The following TDRD12 variants were observed in gnomAD, a reference collection of about 807,000 sequenced individuals.
The protein encoded by TDRD12 is putative ATP-dependent RNA helicase TDRD12.
A neutral mutation model predicts 133.5 loss-of-function variants in TDRD12; 158 were observed. That is an observed-to-expected ratio of 1.18 (90% confidence interval 1.04 to 1.35). The LOEUF is 1.35. Ranked by LOEUF, TDRD12 falls within the 40% of genes most tolerant of loss-of-function variation. The pLI, the probability that TDRD12 is intolerant of heterozygous loss-of-function variation, is 0.00. For synonymous variants in TDRD12, 460 were observed against 477.9 expected (o/e 0.96, Z 0.49); for missense variants, 1,443 against 1,321.3 (o/e 1.09, Z -1.43).
At position 32,721,963 on chromosome 19, in the gene TDRD12, G is replaced by A. The variant is rs1188066018; in HGVS notation, c.24+1867G>A. 2.0e-5 allele frequency among the ~76,000 whole-genome samples: 3 copies of A among 150,478 alleles called. No homozygotes were observed. The South Asian group carries it at 6.3e-4, about 32-fold the overall frequency. ...CATTTCCTGACCTCGTGATCCACCCGCCTCGGCTTCCCAAAGTGCTGGGAT... is the reference window on the plus strand; with the variant it reads ...CATTTCCTGACCTCGTGATCCACCCACCTCGGCTTCCCAAAGTGCTGGGAT... On this transcript the variant is annotated intron_variant, in intron 1 of 27. Transcript: ENST00000444215.
At chr19:32,744,313 C>T (rs1244119728) in intron 4 of TDRD12, among the ~76,000 whole-genome samples, 2 of 151,610 alleles carry the variant, frequency 1.3e-5, no homozygotes, top group Non-Finnish European at 2.9e-5. Context: ...CCAGCCTGGC[C>T]AACATGGTGA....
intron 1 of TDRD12, among the ~76,000 whole-genome samples, chr19:32,723,144 C>G (rs1363923604): frequency 6.6e-6 from 1 of 152,162 alleles, no homozygotes; most frequent in Non-Finnish European, 1.5e-5. Context: ...TATCCGTCCT[C>G]CTTTGTGTCT....
chr19:32,789,734 C>G (rs993185595), intron 11 of TDRD12, among the ~76,000 whole-genome samples: 5 of 152,222 alleles, frequency 3.3e-5, no homozygotes, highest in African/African-American at 1.2e-4. Flanking sequence ...GGCGCAGTGG[C>G]TCACGCCTAT....
At chr19:32,773,229 G>A (rs971490803) in intron 9 of TDRD12, among the ~76,000 whole-genome samples, 2 of 152,142 alleles carry the variant, frequency 1.3e-5, no homozygotes, top group African/African-American at 2.4e-5. Flanking sequence ...AAGTACTGAC[G>A]ATCTGGAATG....
chr19:32,804,388 T>C (rs1441699390), intron 21 of TDRD12, among the ~76,000 whole-genome samples: 1 of 150,580 alleles, frequency 6.6e-6, no homozygotes, highest in African/African-American at 2.4e-5. Flanking sequence ...CTTTGTGTGC[T>C]TATAGGAAAT....
chr19:32,749,825 G>A (rs1568457933), exon 6 of TDRD12: 1 of 1,550,666 alleles, frequency 6.4e-7, no homozygotes, highest in East Asian at 2.4e-5. Context: ...TGTGGAAGAA[G>A]ATACATTTGA....
At chr19:32,731,756 T>G in exon 2 of TDRD12, 1 of 1,546,394 alleles carries the variant, frequency 6.5e-7, no homozygotes, top group South Asian at 1.2e-5. Context: ...TGGGTTATTA[T>G]AAAAGGGTGT....
chr19:32,812,373 G>A (rs1443186211), intron 24 of TDRD12, among the ~76,000 whole-genome samples: 1 of 152,224 alleles, frequency 6.6e-6, no homozygotes, highest in Admixed American at 6.5e-5. Context: ...GTTATATTTT[G>A]CATAATTCGA....
At chr19:32,794,280 T>A (rs1436818792) in intron 13 of TDRD12, among the ~76,000 whole-genome samples, 1 of 151,638 alleles carries the variant, frequency 6.6e-6, no homozygotes, top group African/African-American at 2.4e-5. Flanking sequence ...TAATTTTGTA[T>A]TTTTGGTAGA....
At chr19:32,734,941 G>A (rs767573274) in intron 2 of TDRD12, among the ~76,000 whole-genome samples, 1 of 152,118 alleles carries the variant, frequency 6.6e-6, no homozygotes, top group Non-Finnish European at 1.5e-5. Context: ...GGGGTGCCAC[G>A]AATTGCACCC....
At chr19:32,817,230 C>T (rs897849491) in intron 26 of TDRD12, among the ~76,000 whole-genome samples, 1 of 152,160 alleles carries the variant, frequency 6.6e-6, no homozygotes, top group South Asian at 2.1e-4. Context: ...TATCCATCTC[C>T]AGAACTTGCT....
downstream of TDRD12, among the ~76,000 whole-genome samples, chr19:32,822,527 C>T (rs542662344): frequency 3.7e-4 from 57 of 152,278 alleles, 1 homozygote; most frequent in African/African-American, 1.3e-3. Flanking sequence ...ACGGGCAGAT[C>T]GTGAGGTCAG....
chr19:32,765,577 G>T lies in TDRD12; in HGVS notation c.866-7176G>T, dbSNP rs1333399138. On this transcript the variant is annotated intron_variant, in intron 8 of 27. Transcript: ENST00000444215. ...CGCAGCCATAAAAAGGATGAGTTCA[G>T]GTGCTTTGTAGGGACATGGATGAAG... Among the ~76,000 whole-genome samples, 3 of 152,054 alleles carry T rather than the reference G, an allele frequency of 2.0e-5. No individual in the cohort carries two copies. In the East Asian group the frequency reaches 5.8e-4, roughly 29 times the overall value.
exon 20 of TDRD12, chr19:32,802,701 C>T (rs11673502): frequency 0.14 from 213,367 of 1,536,074 alleles, 16,104 homozygotes; most frequent in Non-Finnish European, 0.16. Flanking sequence ...ACCGATGCCA[C>T]GTGTGTGATT....
chr19:32,719,986 T>A, exon 1 of TDRD12: 1 of 1,494,382 alleles, frequency 6.7e-7, no homozygotes, highest in Non-Finnish European at 9.0e-7. Context: ...GGCGGGGGCC[T>A]GGCCGGGGCG....
At position 32,736,985 on chromosome 19, in the gene TDRD12, C is replaced by T. The variant is rs1476310547; in HGVS notation, c.184-1871C>T. Among the ~76,000 whole-genome samples, 3 of 138,454 alleles carry T rather than the reference C, an allele frequency of 2.2e-5. No homozygotes were observed. The Admixed American group carries it at 2.2e-4, about 10-fold the overall frequency. The allele number at this position is 138,454 out of a possible 152,430, so 90.8% of individuals were successfully genotyped here. ...TGCTGACCAGCCTAGCTTACCCTAG[C>T]CTACTTAAATTTGCTCAGGACACTT... is the stretch of plus-strand genomic sequence containing the variant. On this transcript the variant is annotated intron_variant, in intron 2 of 27. Transcript: ENST00000444215.
At chr19:32,806,657 T>G (rs1971559793) in intron 21 of TDRD12, among the ~76,000 whole-genome samples, 1 of 151,492 alleles carries the variant, frequency 6.6e-6, no homozygotes, top group African/African-American at 2.4e-5. Flanking sequence ...CTGACTTTAT[T>G]TATTTATTTA....
chr19:32,798,291 T>G lies in TDRD12; in HGVS notation c.1631-17T>G. ...CTGTGGAAAATTGAAAATGTTCACT[T>G]TTTTTTTTAAATGCAGGTGATGTGA... is the stretch of plus-strand genomic sequence containing the variant. On this transcript the variant is annotated splice_polypyrimidine_tract_variant and intron_variant, in intron 15 of 27. Coordinates refer to ENST00000444215, the Ensembl canonical transcript of TDRD12. The G allele has an allele frequency of 1.3e-6, 2 of 1,503,578 alleles. No individual in the cohort carries two copies. Among genetic ancestry groups the G allele is most frequent in the Non-Finnish European group, 1.8e-6 (2 of 1,122,144 alleles). The allele number at this position is 1,503,578 out of a possible 1,614,324, so 93.1% of individuals were successfully genotyped here. A position where few individuals can be genotyped will look rare whatever the true frequency, so the allele number is the denominator to read the frequency against.
At chr19:32,816,135 C>G (rs1967173908) in intron 26 of TDRD12, among the ~76,000 whole-genome samples, 1 of 152,136 alleles carries the variant, frequency 6.6e-6, no homozygotes, top group Non-Finnish European at 1.5e-5. Flanking sequence ...TATTATAAAG[C>G]AGATCTCAAA....
Sources: gnomAD v4.1 joint callset for allele counts (sites outside exome capture counted in the v4.1 genomes callset) on GRCh38, gnomAD v4.1.1 for gene constraint, MANE v1.5 for transcripts, NCBI Gene and HGNC (gene_info 2026-07-23, HGNC 2026-07-21) for gene names.